Variants in DMC1 observed in about 807,000 individuals in gnomAD.
The protein encoded by DMC1 is DNA meiotic recombinase 1.
A neutral mutation model predicts 50.1 loss-of-function variants in DMC1; 27 were observed. The ratio of observed to expected loss-of-function variants is 0.54; its 90% CI spans 0.40 to 0.74. The LOEUF is 0.74. Among genes scored for constraint, DMC1 ranks in the 30% least tolerant of loss-of-function variants. DMC1 has a pLI of 0.00. For synonymous variants in DMC1, 148 were observed against 136.1 expected (o/e 1.09, Z -0.61); for missense variants, 295 against 420.2 (o/e 0.70, Z 2.60).
chr22:38,557,449 T>C (rs1279673141), intron 5 of DMC1, among the ~76,000 whole-genome samples: 1 of 152,170 alleles, frequency 6.6e-6, no homozygotes, highest in Non-Finnish European at 1.5e-5. Flanking sequence ...CTCATGTCTG[T>C]AATCTTAGCA....
intron 2 of DMC1, among the ~76,000 whole-genome samples, 192 bp from the exon 3 acceptor site, chr22:38,567,819 C>A (rs974729364): frequency 2.0e-5 from 3 of 152,210 alleles, no homozygotes; most frequent in African/African-American, 7.2e-5. Context: ...GGCTGGGAAG[C>A]CAGTTACCTT....
chr22:38,511,289 G>T, the DMC1 span, among the ~76,000 whole-genome samples: 2 of 150,698 alleles, frequency 1.3e-5, no homozygotes, highest in Non-Finnish European at 3.0e-5. Flanking sequence ...TTTCAATTAA[G>T]AGTCAGGAGG....
intron 8 of DMC1, among the ~76,000 whole-genome samples, chr22:38,541,287 A>T (rs1388260316): frequency 2.6e-5 from 4 of 152,100 alleles, no homozygotes; most frequent in Non-Finnish European, 5.9e-5. Flanking sequence ...ATATATTTTT[A>T]AAAATTTTTA....
intron 8 of DMC1, among the ~76,000 whole-genome samples, chr22:38,544,630 CTTT>C (rs142876191): frequency 1.4e-5 from 2 of 143,734 alleles, no homozygotes; most frequent in Admixed American, 7.0e-5. Context: ...AATAAACTTT[CTTT>C]TTTTTTTTTT....
chr22:38,540,816 C>T (rs2090272949), intron 8 of DMC1, among the ~76,000 whole-genome samples: 1 of 152,094 alleles, frequency 6.6e-6, no homozygotes, highest in African/African-American at 2.4e-5. Context: ...TTCATCATGT[C>T]GGTTTCTACA....
downstream of DMC1, among the ~76,000 whole-genome samples, chr22:38,514,401 C>T (rs1480070400): frequency 6.6e-6 from 1 of 151,550 alleles, no homozygotes; most frequent in Non-Finnish European, 1.5e-5. Flanking sequence ...TGCAACATGA[C>T]GCCCAGCTAA....
At chr22:38,521,552 C>G (rs1336345702) in intron 13 of DMC1, 56 bp downstream of exon 13, 24 of 853,424 alleles carry the variant, frequency 2.8e-5, no homozygotes, top group African/African-American at 1.5e-4. Context: ...CACACACACA[C>G]ACACACACAC....
intron 1 of DMC1, among the ~76,000 whole-genome samples, chr22:38,569,788 C>A (rs1270484445): frequency 6.6e-6 from 1 of 152,186 alleles, no homozygotes; most frequent in African/African-American, 2.4e-5. Context: ...CCCCCTGCGG[C>A]CGCCGGACAT....
intron 8 of DMC1, among the ~76,000 whole-genome samples, chr22:38,540,095 T>C (rs2090263778): frequency 6.6e-6 from 1 of 152,154 alleles, no homozygotes; most frequent in African/African-American, 2.4e-5. Flanking sequence ...ACCTGGAAAG[T>C]ATATACAGTT....
chr22:38,565,043 T>C (rs1038746498), intron 4 of DMC1, among the ~76,000 whole-genome samples: 4 of 152,194 alleles, frequency 2.6e-5, no homozygotes, highest in African/African-American at 7.2e-5. Context: ...GACCCTCACA[T>C]ACCAATAGAG....
intron 12 of DMC1, among the ~76,000 whole-genome samples, chr22:38,536,347 A>G (rs2090212766): frequency 6.6e-6 from 1 of 152,018 alleles, no homozygotes; most frequent in Non-Finnish European, 1.5e-5. Flanking sequence ...GATTATTTTG[A>G]TTGCTTATTC....
chr22:38,516,384 G>A (rs753635823), downstream of DMC1, among the ~76,000 whole-genome samples: 1 of 152,018 alleles, frequency 6.6e-6, no homozygotes, highest in Non-Finnish European at 1.5e-5. Context: ...ATTGTCCTTC[G>A]TCAGGGGTAC....
At chr22:38,534,811 G>C (rs868002484) in intron 12 of DMC1, among the ~76,000 whole-genome samples, 8 of 151,678 alleles carry the variant, frequency 5.3e-5, no homozygotes, top group African/African-American at 1.9e-4. Context: ...AGACCAGCCT[G>C]GCCAACGTGG....
At chr22:38,539,111 C>G (rs2090251419) in intron 9 of DMC1, among the ~76,000 whole-genome samples, 1 of 151,904 alleles carries the variant, frequency 6.6e-6, no homozygotes, top group Admixed American at 6.6e-5. Context: ...AAGAATGTTA[C>G]TCTTAATTTC....
chr22:38,550,247 AAGTT>A (rs1472181419), intron 7 of DMC1, among the ~76,000 whole-genome samples: 4 of 152,156 alleles, frequency 2.6e-5, no homozygotes, highest in Non-Finnish European at 2.9e-5. Context: ...ATATTCGTGA[AAGTT>A]AGTTCTCCCA....
intron 6 of DMC1, among the ~76,000 whole-genome samples, chr22:38,554,663 C>A (rs1462606896): frequency 2.0e-5 from 3 of 150,726 alleles, no homozygotes; most frequent in African/African-American, 7.3e-5. Flanking sequence ...CATAGCGAGA[C>A]CCTTTATCTA....
chr22:38,567,640 A>G lies in DMC1; in HGVS notation c.52-13T>C. The G allele has an allele frequency of 6.3e-7, 1 of 1,597,322 alleles. No individual in the cohort carries two copies. The highest frequency in any genetic ancestry group is 1.1e-5 in the South Asian group (1 of 90,676). On this transcript the variant is annotated splice_polypyrimidine_tract_variant and intron_variant, in intron 2 of 13. Transcript: ENST00000216024. ...GAAACAAAGATTCCTAAAGGAGATG[A>G]AACAGAAAAAATGAAGTTTTGATTC... is the stretch of plus-strand genomic sequence containing the variant.
chr22:38,533,602 G>A (rs2090179524), intron 12 of DMC1, among the ~76,000 whole-genome samples: 1 of 152,030 alleles, frequency 6.6e-6, no homozygotes, highest in Non-Finnish European at 1.5e-5. Flanking sequence ...ACCATATGAT[G>A]CATTGCTTCT....
chr22:38,551,292 T>C (rs1439514492), intron 7 of DMC1, among the ~76,000 whole-genome samples: 1 of 152,146 alleles, frequency 6.6e-6, no homozygotes, highest in South Asian at 2.1e-4. Context: ...ATAACTAATA[T>C]GTTACCTTTA....
Sources: allele counts gnomAD v4.1 joint callset (sites outside exome capture counted in the v4.1 genomes callset), GRCh38; gene constraint gnomAD v4.1.1; transcripts MANE v1.5; gene names NCBI Gene and HGNC (gene_info 2026-07-23, HGNC 2026-07-21).